CNTNAP2: variants seen among roughly 807,000 people sequenced by gnomAD.
The protein encoded by CNTNAP2 is contactin associated protein 2, also known as contactin-associated protein-like 2.
Under a neutral mutation model 155.2 loss-of-function variants are expected in CNTNAP2, and 98 were observed. That is an observed-to-expected ratio of 0.63 (90% CI 0.54 to 0.75). The LOEUF is 0.75. CNTNAP2 is among the 30% of genes least tolerant of loss of function. The pLI is 0.00. For missense variants in CNTNAP2, 1,727 were observed against 1,688.1 expected (o/e 1.02, Z -0.40); for synonymous variants, 651 against 631.2 (o/e 1.03, Z -0.47).
intron 10 of CNTNAP2, among the ~76,000 whole-genome samples, chr7:147,467,465 A>G (rs1258571440): frequency 6.6e-6 from 1 of 152,222 alleles, no homozygotes; most frequent in Non-Finnish European, 1.5e-5. Context: ...GAACTCACTT[A>G]TAAGTTAGAG....
chr7:146,808,884 T>C (rs1034446581), intron 2 of CNTNAP2, among the ~76,000 whole-genome samples: 6 of 152,214 alleles, frequency 3.9e-5, no homozygotes, highest in African/African-American at 1.4e-4. Context: ...AATTTCCTTC[T>C]TTTTATGGCT....
At chr7:146,790,160 A>T (rs1802645416) in intron 2 of CNTNAP2, among the ~76,000 whole-genome samples, 1 of 152,172 alleles carries the variant, frequency 6.6e-6, no homozygotes, top group African/African-American at 2.4e-5. Flanking sequence ...AATAAAGTAA[A>T]GCAAAGACTC....
At chr7:147,229,517 A>T (rs914085165) in intron 8 of CNTNAP2, among the ~76,000 whole-genome samples, 4 of 152,232 alleles carry the variant, frequency 2.6e-5, no homozygotes, top group Admixed American at 1.3e-4. Context: ...CAGTGTTTCC[A>T]GTTGGTATCT....
rs1205931878 is a variant in CNTNAP2, at chr7:148,096,151, T to C, written c.2384-21967T>C. 2.0e-5 allele frequency among the ~76,000 whole-genome samples: 3 copies of C among 152,220 alleles called. No individual in the cohort carries two copies. The East Asian group carries it at 5.8e-4, about 29-fold the overall frequency. ...CAACTTCATGGTCAAATGTAAACTT[T>C]GGAAATTATTACTTGATTTCTGTTA... On this transcript the variant is annotated intron_variant, in intron 15 of 23. Transcript: ENST00000361727.
intron 15 of CNTNAP2, among the ~76,000 whole-genome samples, chr7:148,081,055 T>C (rs888218792): frequency 1.3e-5 from 2 of 152,200 alleles, no homozygotes; most frequent in Non-Finnish European, 2.9e-5. Flanking sequence ...ATCTGCTAAG[T>C]ACTGCAATGG....
intron 23 of CNTNAP2, among the ~76,000 whole-genome samples, chr7:148,411,626 G>A (rs1799840600): frequency 6.6e-6 from 1 of 151,920 alleles, no homozygotes; most frequent in Admixed American, 6.6e-5. Flanking sequence ...CTACCCAAAG[G>A]TTTTGAAGAT....
chr7:147,331,310 G>C (rs369848094), intron 9 of CNTNAP2, among the ~76,000 whole-genome samples: 4 of 152,054 alleles, frequency 2.6e-5, no homozygotes, highest in African/African-American at 9.7e-5. Context: ...CTAGTAGAAC[G>C]GTTCTATCAC....
At chr7:148,187,743 A>G (rs1413307499) in intron 18 of CNTNAP2, among the ~76,000 whole-genome samples, 5 of 152,136 alleles carry the variant, frequency 3.3e-5, no homozygotes, top group African/African-American at 9.7e-5. Flanking sequence ...TCTGATCCCA[A>G]CATGAGCTTT....
intron 8 of CNTNAP2, 120 bp from the exon 9 acceptor site, chr7:147,300,021 G>A: frequency 1.9e-6 from 2 of 1,042,754 alleles, no homozygotes; most frequent in African/African-American, 1.6e-5. Context: ...ATTGTAAGCA[G>A]CACTGTATTT....
chr7:147,967,479 A>G (rs1801236990), intron 14 of CNTNAP2, among the ~76,000 whole-genome samples: 1 of 152,178 alleles, frequency 6.6e-6, no homozygotes, highest in Non-Finnish European at 1.5e-5. Flanking sequence ...TAATTAGATT[A>G]TCTCCCAAAA....
At chr7:148,163,162 A>C (rs1048655834) in intron 17 of CNTNAP2, among the ~76,000 whole-genome samples, 2 of 152,198 alleles carry the variant, frequency 1.3e-5, no homozygotes, top group African/African-American at 4.8e-5. Flanking sequence ...CCAAAAATCA[A>C]ACGGTGGCCA....
At chr7:147,538,054 C>A (rs903072703) in intron 11 of CNTNAP2, among the ~76,000 whole-genome samples, 2 of 152,148 alleles carry the variant, frequency 1.3e-5, no homozygotes, top group African/African-American at 4.8e-5. Context: ...TTGATTCTAA[C>A]CTTCTGAACA....
chr7:146,695,977 A>G (rs964119507), intron 1 of CNTNAP2, among the ~76,000 whole-genome samples: 3 of 152,112 alleles, frequency 2.0e-5, no homozygotes, highest in Non-Finnish European at 4.4e-5. Flanking sequence ...ATTTATGTTC[A>G]TGAGAGATAT....
At chr7:146,739,379 A>C (rs1013443191) in intron 1 of CNTNAP2, among the ~76,000 whole-genome samples, 6 of 151,922 alleles carry the variant, frequency 3.9e-5, no homozygotes, top group Admixed American at 1.3e-4. Context: ...AATTTTTTAA[A>C]GTTTTCATGA....
chr7:148,288,877 G>A (rs933131235), intron 21 of CNTNAP2, among the ~76,000 whole-genome samples: 4 of 128,356 alleles, frequency 3.1e-5, no homozygotes, highest in Non-Finnish European at 4.8e-5. Context: ...ATGGGGACCT[G>A]TTTTTAAACC....
intron 12 of CNTNAP2, among the ~76,000 whole-genome samples, chr7:147,621,407 AAAAT>A (rs1253534937): frequency 6.6e-6 from 1 of 152,172 alleles, no homozygotes; most frequent in Non-Finnish European, 1.5e-5. Flanking sequence ...GAACCAATAA[AAAAT>A]AAAAAGTACA....
In CNTNAP2 at chr7:147,454,616, C is replaced by G. The variant is rs906011069; in HGVS notation, c.1671-31319C>G. On this transcript the variant is annotated intron_variant, in intron 10 of 23. Transcript: ENST00000361727. Reference sequence around the variant, plus strand: ...TTAAGGGCTTAAAATCTAAGCAGAACTGGTGCTGTTTCATCAGGCAATGCA... The same window carrying G: ...TTAAGGGCTTAAAATCTAAGCAGAAGTGGTGCTGTTTCATCAGGCAATGCA... Among the ~76,000 whole-genome samples the G allele has an allele frequency of 6.6e-5, 10 of 152,076 alleles. No individual in the cohort carries two copies. The South Asian group carries it at 8.3e-4, about 13-fold the overall frequency.
chr7:147,819,403 T>C (rs1206268605), intron 13 of CNTNAP2, among the ~76,000 whole-genome samples: 1 of 152,180 alleles, frequency 6.6e-6, no homozygotes, highest in Non-Finnish European at 1.5e-5. Context: ...TTTCTCTTCC[T>C]TTCTCCAATC....
chr7:146,902,672 C>T (rs558978953), intron 3 of CNTNAP2, among the ~76,000 whole-genome samples: 1 of 152,276 alleles, frequency 6.6e-6, no homozygotes, highest in African/African-American at 2.4e-5. Context: ...ACAGTTTAAA[C>T]GAGCCAGTGA....
Sources: allele counts gnomAD v4.1 joint callset (sites outside exome capture counted in the v4.1 genomes callset), GRCh38; gene constraint gnomAD v4.1.1; transcripts MANE v1.5; gene names NCBI Gene and HGNC (gene_info 2026-07-23, HGNC 2026-07-21).